The following CARD6 variants were observed in gnomAD, a reference collection of about 807,000 sequenced individuals.
CARD6 encodes the protein caspase recruitment domain-containing protein 6.
CARD6 carries 27 observed loss-of-function variants against 23.6 expected under a neutral mutation model. That is an observed-to-expected ratio of 1.14 (90% CI 0.84 to 1.58). The LOEUF (loss-of-function observed/expected upper bound fraction) is 1.58, where lower values mean the gene tolerates loss of function less well. Among genes scored for constraint, CARD6 ranks in the 40% most tolerant of loss-of-function variants. CARD6 has a pLI of 0.00. For synonymous variants in CARD6, 397 were observed against 431.8 expected (o/e 0.92, Z 1.00); for missense variants, 1,214 against 1,209.9 (o/e 1.00, Z -0.05).
chr5:40,843,822 A>G (rs1745920890), intron 2 of CARD6, 113 bp downstream of exon 2: 1 of 672,342 alleles, frequency 1.5e-6, no homozygotes, highest in East Asian at 3.1e-5. Flanking sequence ...CAGAAAATCA[A>G]CTACTAAGAA....
Position 40,841,582 on chromosome 5 carries a change from AG to A in CARD6, c.203del (p.Gly68GlufsTer25). ...AAGCTGTTAATTTTGGTACAGAAAAAGGGAGAGGCGACCTGTCAGCATTTTC... is the reference window on the plus strand; with the variant it reads ...AAGCTGTTAATTTTGGTACAGAAAAAGGAGAGGCGACCTGTCAGCATTTTC... ...SRKLLILVQK[K>X]GEATCQHFLK... On this transcript the variant is annotated frameshift_variant, in exon 1 of 3. Transcript: ENST00000254691. LOFTEE classifies it high-confidence loss of function. 2 of 1,613,942 alleles carry A rather than the reference AG, an allele frequency of 1.2e-6. No homozygotes were observed. Among genetic ancestry groups the A allele is most frequent in the Non-Finnish European group, 1.7e-6 (2 of 1,179,826 alleles).
Position 40,850,594 on chromosome 5 carries a change from C to T in CARD6, c.842-1580C>T, listed in dbSNP as rs545515279. Among the ~76,000 whole-genome samples, 10 of 148,426 alleles carry T rather than the reference C, an allele frequency of 6.7e-5. No homozygotes were observed. In the East Asian group the frequency reaches 1.2e-3, roughly 18 times the overall value. ...AAAATTAGCTGGGTGTGACGGCGGG[C>T]GCCTGTAGTCCCAGCTACTCGGGAG... On this transcript the variant is annotated intron_variant, in intron 2 of 2. Coordinates refer to ENST00000254691, the MANE Select transcript of CARD6 (RefSeq NM_032587.4).
intron 1 of CARD6, among the ~76,000 whole-genome samples, chr5:40,841,926 A>G (rs1405649752): frequency 2.0e-5 from 3 of 152,188 alleles, no homozygotes. Flanking sequence ...CAAACTGCTC[A>G]TTATTCTGGC....
In CARD6 at chr5:40,855,302, T is replaced by C. The variant is rs1442184769; in HGVS notation, c.*856T>C. On this transcript the variant is annotated 3_prime_UTR_variant, in exon 3 of 3. Coordinates refer to ENST00000254691, the MANE Select transcript of CARD6 (RefSeq NM_032587.4). ...TGGGAAAACTCTCTCATTTGACCCT[T>C]ATAGGTAGAAATAATGAATTAACAA... 2 of 152,372 alleles carry C rather than the reference T, an allele frequency of 1.3e-5. No homozygotes were observed. The highest frequency in any genetic ancestry group is 4.8e-5 in the African/African-American group (2 of 41,462). 9.4% of individuals were successfully genotyped at this position (152,372 alleles called of 1,614,324 possible). A position where few individuals can be genotyped will look rare whatever the true frequency, so the allele number is the denominator to read the frequency against.
At chr5:40,842,132 A>AT (rs565975933) in intron 1 of CARD6, among the ~76,000 whole-genome samples, 72 of 152,326 alleles carry the variant, frequency 4.7e-4, no homozygotes, top group Middle Eastern at 3.4e-3. Flanking sequence ...CAGTAGTTTC[A>AT]TTTTTTTGGT....
chr5:40,852,032 G>T, intron 2 of CARD6, 142 bp from the exon 3 acceptor site: 1 of 604,244 alleles, frequency 1.7e-6, no homozygotes. Flanking sequence ...GGCTAAGATG[G>T]TAGGATTGCT....
intron 2 of CARD6, among the ~76,000 whole-genome samples, chr5:40,850,367 T>G (rs1056239800): frequency 3.0e-5 from 4 of 133,162 alleles, no homozygotes; most frequent in African/African-American, 1.2e-4. Context: ...TGAGCTGAGA[T>G]CGTGCCACTG....
In CARD6 at chr5:40,853,317, A is replaced by G. The variant is rs1746113636; in HGVS notation, c.1985A>G (p.Glu662Gly). The G allele has an allele frequency of 6.2e-7, 1 of 1,614,164 alleles. No homozygotes were observed. Among genetic ancestry groups the G allele is most frequent in the African/African-American group, 1.3e-5 (1 of 75,058 alleles). ...ELGIQVDEDFENTQRIQVSSG... is the reference protein window; with the variant it reads ...ELGIQVDEDFGNTQRIQVSSG... ...GGGATTCAGGTAGATGAAGACTTTG[A>G]AAACACTCAGAGAATTCAAGTTTCC... The change falls in exon 3 of 3, where the codon GAA becomes GGA. Residue 662 changes from glutamate (E) to glycine (G), a missense_variant. Transcript: ENST00000254691.
chr5:40,843,394 T>G lies in CARD6; in HGVS notation c.526T>G (p.Leu176Val), dbSNP rs912423712. The G allele has an allele frequency of 1.2e-6, 2 of 1,614,028 alleles. No homozygotes were observed. Among genetic ancestry groups the G allele is most frequent in the Admixed American group, 1.7e-5 (1 of 60,006 alleles). The change falls in exon 2 of 3, where the codon TTA (leucine) becomes GTA (valine). Residue 176 changes from leucine to valine, a missense_variant. Coordinates refer to ENST00000254691, the MANE Select transcript of CARD6 (RefSeq NM_032587.4). ...GGAATATGACACACCAGAAGTCACA[T>G]TATCATATTCAGTTGAGAAAGTTGG... ...EKEYDTPEVTLSYSVEKVGCE... is the reference protein window; with the variant it reads ...EKEYDTPEVTVSYSVEKVGCE...
Position 40,854,513 on chromosome 5 carries a change from G to GTTGCCATGAAAGT in CARD6, c.*67_*68insTTGCCATGAAAGT, listed in dbSNP as rs1746155834. On this transcript the variant is annotated 3_prime_UTR_variant, in exon 3 of 3. Transcript: ENST00000254691. Reference sequence around the variant, plus strand: ...GGCCATTCCTATCATATAGTAAGCAGAAGAGTTGCCATGAAAGTAAAAGAC... The same window carrying GTTGCCATGAAAGT: ...GGCCATTCCTATCATATAGTAAGCAGTTGCCATGAAAGTAAGAGTTGCCATGAAAGTAAAAGAC... 1 of 1,284,734 alleles carries GTTGCCATGAAAGT rather than the reference G, an allele frequency of 7.8e-7. No homozygotes were observed. The highest frequency in any genetic ancestry group is 1.1e-6 in the Non-Finnish European group (1 of 912,006). The allele number at this position is 1,284,734 out of a possible 1,614,324, so 79.6% of individuals were successfully genotyped here.
In CARD6 at chr5:40,853,820, C is replaced by A; in HGVS notation, c.2488C>A (p.Pro830Thr). ...CATTTGTCAGCATGTACAGGCCTGCCCTGAGAGACCACAAATGATGGGAAC... is the reference window on the plus strand; with the variant it reads ...CATTTGTCAGCATGTACAGGCCTGCACTGAGAGACCACAAATGATGGGAAC... ...RPICQHVQAC[P>T]ERPQMMGTLE... The change falls in exon 3 of 3, where the codon CCT (proline) becomes ACT (threonine). Residue 830 changes from proline (P) to threonine (T), a missense_variant. Physicochemically the swap from Pro to Thr is conservative, Grantham distance 38. Transcript: ENST00000254691. The A allele has an allele frequency of 6.2e-7, 1 of 1,614,130 alleles. No individual in the cohort carries two copies. Among genetic ancestry groups the A allele is most frequent in the Non-Finnish European group, 8.5e-7 (1 of 1,180,020 alleles).
At chr5:40,846,354 G>C (rs1745966982) in intron 2 of CARD6, among the ~76,000 whole-genome samples, 1 of 150,314 alleles carries the variant, frequency 6.7e-6, no homozygotes, top group African/African-American at 2.4e-5. Context: ...GAGAAAGGGA[G>C]AGAGAGCAAG....
In CARD6 at chr5:40,853,626, GGTT is replaced by G; in HGVS notation, c.2295_2297del (p.Trp765_Phe766delinsCys). The G allele has an allele frequency of 6.2e-7, 1 of 1,614,230 alleles. No individual in the cohort carries two copies. The highest frequency in any genetic ancestry group is 1.7e-5 in the Admixed American group (1 of 60,024). ...TTTGGGTCAGAGCAGAGGCCTAAGT[GGTT>G]CCATCCTTTGCCTTTTCAGAATGCA... On this transcript the variant is annotated inframe_deletion, in exon 3 of 3. Coordinates refer to ENST00000254691, the MANE Select transcript of CARD6 (RefSeq NM_032587.4).
chr5:40,847,207 A>G (rs1006303591), intron 2 of CARD6, among the ~76,000 whole-genome samples: 1 of 152,240 alleles, frequency 6.6e-6, no homozygotes, highest in African/African-American at 2.4e-5. Context: ...AATGAAAAAA[A>G]TAGTTCTAAA....
chr5:40,852,548 C>T lies in CARD6; in HGVS notation c.1216C>T (p.Pro406Ser). The T allele has an allele frequency of 1.2e-6, 2 of 1,614,192 alleles. No individual in the cohort carries two copies. Among genetic ancestry groups the T allele is most frequent in the Non-Finnish European group, 1.7e-6 (2 of 1,180,038 alleles). The part of the protein sequence containing the change: ...SNMYQCQFAL[P>S]LLLPDAENNK... ...CATGTATCAGTGCCAGTTTGCTCTT[C>T]CCCTGCTACTGCCAGATGCAGAAAA... is the stretch of plus-strand genomic sequence containing the variant. Residue 406 changes from proline (P) to serine (S), a missense_variant, in exon 3 of 3, where the codon CCC becomes TCC. Coordinates refer to ENST00000254691, the MANE Select transcript of CARD6 (RefSeq NM_032587.4).
chr5:40,847,576 C>G (rs1182406418), intron 2 of CARD6, among the ~76,000 whole-genome samples: 2 of 152,052 alleles, frequency 1.3e-5, no homozygotes, highest in African/African-American at 4.8e-5. Context: ...TTTTATTTTG[C>G]CTTCATTCCA....
In CARD6 at chr5:40,853,675, A is replaced by G; in HGVS notation, c.2343A>G (p.Lys781=). 1 of 1,614,164 alleles carries G rather than the reference A, an allele frequency of 6.2e-7. No individual in the cohort carries two copies. The highest frequency in any genetic ancestry group is 8.5e-7 in the Non-Finnish European group (1 of 1,180,044). Residue 781 remains lysine (K), a synonymous_variant, in exon 3 of 3, where the codon AAA becomes AAG. Coordinates refer to ENST00000254691, the MANE Select transcript of CARD6 (RefSeq NM_032587.4). The part of the protein sequence containing the change: ...FQNAGAQGRG[K]SFGIQSFHPQ... ...ATGCAGGGGCCCAGGGCCGAGGTAA[A>G]AGTTTTGGTATTCAATCCTTCCATC...
intron 2 of CARD6, among the ~76,000 whole-genome samples, chr5:40,844,697 G>C (rs1320884382): frequency 6.6e-6 from 1 of 152,098 alleles, no homozygotes. Context: ...TTATGGGTAG[G>C]AAGAGAGTCA....
rs1745859789 is a variant in CARD6 at position 40,841,534 on chromosome 5, C to T, written c.152C>T (p.Thr51Ile). 1.9e-6 allele frequency: 3 copies of T among 1,613,898 alleles called. No individual in the cohort carries two copies. The highest frequency in any genetic ancestry group is 2.2e-5 in the East Asian group (1 of 44,882). Reference protein sequence around the residue: ...EEEYETLENVTDLLKKSRKLL... With the variant: ...EEEYETLENVIDLLKKSRKLL... ...GAGTATGAGACTCTGGAGAATGTTA[C>T]AGATCTCCTGAAGAAAAGTCGGAAG... The change falls in exon 1 of 3, where the codon ACA becomes ATA. Residue 51 changes from threonine (T) to isoleucine (I), a missense_variant. Coordinates refer to ENST00000254691, the MANE Select transcript of CARD6 (RefSeq NM_032587.4).
Sources: gnomAD v4.1 joint callset for allele counts (sites outside exome capture counted in the v4.1 genomes callset) on GRCh38, gnomAD v4.1.1 for gene constraint, MANE v1.5 for transcripts, NCBI Gene and HGNC (gene_info 2026-07-23, HGNC 2026-07-21) for gene names.